The following TNMD variants were observed in gnomAD, a reference collection of about 807,000 sequenced individuals.
TNMD encodes the protein tenomodulin, also known as BRICHOS domain containing 4.
TNMD carries 15 observed loss-of-function variants against 26.9 expected under a neutral mutation model. The ratio of observed to expected loss-of-function variants is 0.56; its 90% confidence interval spans 0.37 to 0.86. TNMD has a LOEUF of 0.86. Ranked by LOEUF, TNMD falls within the 40% of genes least tolerant of loss-of-function variation. The pLI, the probability that TNMD is intolerant of heterozygous loss-of-function variation, is 0.00. For missense variants in TNMD, 222 were observed against 242.6 expected (o/e 0.92, Z 0.56); for synonymous variants, 73 against 77.0 (o/e 0.95, Z 0.27).
At position 100,594,937 on chromosome X, in the gene TNMD, A is replaced by C. The variant is rs188101793; in HGVS notation, c.423+575A>C. 5.4e-5 allele frequency among the ~76,000 whole-genome samples: 6 copies of C among 111,944 alleles called. No individual in the cohort carries two copies. The East Asian group carries it at 1.7e-3, about 32-fold the overall frequency. ...AAGGTGAACACTGCAATGGGATACAAATTCTCTGAAAACACCCTGCTAGAC... is the reference window on the plus strand; with the variant it reads ...AAGGTGAACACTGCAATGGGATACACATTCTCTGAAAACACCCTGCTAGAC... On this transcript the variant is annotated intron_variant, in intron 4 of 6. Transcript: ENST00000373031.
At chrX:100,586,431 G>C (rs182413221) in intron 2 of TNMD, among the ~76,000 whole-genome samples, 1 of 111,554 alleles carries the variant, frequency 9.0e-6, no homozygotes, top group East Asian at 2.8e-4. Context: ...TAGGAGCAGA[G>C]AGAAAAAAAT....
rs1299171128 is a variant in TNMD at position 100,593,944 on chromosome X, T to G, written c.230T>G (p.Ile77Ser). 8.3e-7 allele frequency: 1 copy of G among 1,207,662 alleles called. No homozygotes were observed. The highest frequency in any genetic ancestry group is 1.8e-5 in the African/African-American group (1 of 56,714). ...TFYSNGEKKK[I>S]YMEIDPVTRT... is the part of the protein sequence containing the mutation. ...TACAGCAATGGAGAGAAGAAGAAGA[T>G]TTACATGGAAATTGATCCTGTGACC... The change falls in exon 3 of 7, where the codon ATT becomes AGT. Residue 77 changes from isoleucine to serine, a missense_variant. Physicochemically the swap from Ile to Ser is moderately radical, Grantham distance 142. Transcript: ENST00000373031.
Position 100,599,622 on chromosome X carries a change from T to C in TNMD, c.859T>C (p.Tyr287His), listed in dbSNP as rs769038390. The change falls in exon 7 of 7, where the codon TAC becomes CAC. Residue 287 changes from tyrosine (Y) to histidine (H), a missense_variant. By Grantham distance (83) the Tyr-to-His change is moderately conservative. Transcript: ENST00000373031. ...RRVCEPLLGY[Y>H]PYPYCYQGGR... ...CGTCTGTGAACCTTTACTAGGCTAC[T>C]ACCCATATCCATACTGCTACCAAGG... The C allele has an allele frequency of 6.6e-6, 8 of 1,209,902 alleles. No homozygotes were observed. The East Asian group carries it at 2.4e-4, about 36-fold the overall frequency.
At chrX:100,594,507 T>A (rs1033681846) in intron 4 of TNMD, 145 bp downstream of exon 4, 3 of 378,700 alleles carry the variant, frequency 7.9e-6, no homozygotes, top group African/African-American at 2.6e-5. Flanking sequence ...CATTTTCAGA[T>A]CAGGAAACTA....
At chrX:100,595,267 TTTCTTC>T (rs201605708) in intron 4 of TNMD, among the ~76,000 whole-genome samples, 1 of 109,698 alleles carries the variant, frequency 9.1e-6, no homozygotes, top group African/African-American at 3.3e-5. Flanking sequence ...CAGAATGATC[TTTCTTC>T]TTCTTCTTCT....
chrX:100,596,039 G>T (rs1182356383), intron 4 of TNMD, among the ~76,000 whole-genome samples: 1 of 112,638 alleles, frequency 8.9e-6, no homozygotes. Flanking sequence ...TTAAGGCAAA[G>T]GAGGCGGGGC....
intron 2 of TNMD, among the ~76,000 whole-genome samples, chrX:100,587,660 T>C: frequency 8.9e-6 from 1 of 112,016 alleles, no homozygotes; most frequent in Middle Eastern, 4.6e-3. Flanking sequence ...GATGCTTTAC[T>C]TAGTCCACTA....
chrX:100,599,655 G>T lies in TNMD; in HGVS notation c.892G>T (p.Val298Phe). Residue 298 changes from valine to phenylalanine, a missense_variant, in exon 7 of 7, where the codon GTC (valine) becomes TTC (phenylalanine). Val to Phe is a conservative substitution (Grantham distance 50). Coordinates refer to ENST00000373031, the MANE Select transcript of TNMD (RefSeq NM_022144.3). ...TCCATACTGCTACCAAGGAGGACGA[G>T]TCATCTGTCGTGTCATCATGCCTTG... ...PYPYCYQGGR[V>F]ICRVIMPCNW... The T allele has an allele frequency of 8.3e-7, 1 of 1,211,841 alleles. No individual in the cohort carries two copies. The highest frequency in any genetic ancestry group is 1.1e-6 in the Non-Finnish European group (1 of 895,589).
intron 2 of TNMD, 56 bp downstream of exon 2, chrX:100,585,418 AT>A: frequency 9.7e-7 from 1 of 1,029,561 alleles, no homozygotes; most frequent in Non-Finnish European, 1.3e-6. Context: ...ATTGAATTTA[AT>A]TAGTAGGCAT....
intron 4 of TNMD, among the ~76,000 whole-genome samples, chrX:100,594,633 A>C (rs73630700): frequency 0.014 from 1,529 of 111,502 alleles, 29 homozygotes; most frequent in African/African-American, 0.047. Context: ...GTGCAATGCT[A>C]TACTCTTATA....
chrX:100,594,631 C>T (rs2082947809), intron 4 of TNMD, among the ~76,000 whole-genome samples: 1 of 111,469 alleles, frequency 9.0e-6, no homozygotes, highest in East Asian at 2.8e-4. Flanking sequence ...AGGTGCAATG[C>T]TATACTCTTA....
In TNMD at chrX:100,593,875, GT is replaced by G; in HGVS notation, c.181-16del. 8.3e-7 allele frequency: 1 copy of G among 1,206,109 alleles called. No homozygotes were observed. The highest frequency in any genetic ancestry group is 1.1e-6 in the Non-Finnish European group (1 of 892,985). On this transcript the variant is annotated intron_variant, in intron 2 of 6. Transcript: ENST00000373031. ...GGACACACTGAGTATCTTAGAGATT[GT>G]TTTCCTCTGTTCTCCCAGGCCTATG...
chrX:100,599,325 T>C, intron 6 of TNMD, 143 bp downstream of exon 6: 1 of 661,971 alleles, frequency 1.5e-6, no homozygotes, highest in Non-Finnish European at 2.2e-6. Flanking sequence ...ACTTGGAATC[T>C]CCAGGAGGCT....
chrX:100,588,305 G>GAC lies in TNMD; in HGVS notation c.180+2963_180+2964dup, dbSNP rs772320493. Among the ~76,000 whole-genome samples, 1,025 of 106,630 alleles carry GAC rather than the reference G, an allele frequency of 9.6e-3. 11 individuals carry two copies. The highest frequency in any genetic ancestry group is 0.03 in the African/African-American group (878 of 29,415). 92.6% of individuals were successfully genotyped at this position (106,630 alleles called of 115,157 possible). On this transcript the variant is annotated intron_variant, in intron 2 of 6. Transcript: ENST00000373031. ...ACACGCACAGACTCACACACACACA[G>GAC]ACACACACACACACACACACAGACC...
At chrX:100,593,502 C>CA (rs2082943943) in intron 2 of TNMD, 1 of 378,545 alleles carries the variant, frequency 2.6e-6, no homozygotes, top group Non-Finnish European at 3.3e-6. Context: ...AATAAGGAGA[C>CA]AAAAAACACT....
chrX:100,587,974 T>G (rs773996654), intron 2 of TNMD, among the ~76,000 whole-genome samples: 2 of 111,861 alleles, frequency 1.8e-5, no homozygotes, highest in East Asian at 5.6e-4. Flanking sequence ...GAGCTGTGCA[T>G]GCAACTGTGC....
intron 6 of TNMD, 29 bp from the exon 7 acceptor site, chrX:100,599,478 AC>A (rs1156652632): frequency 1.7e-6 from 2 of 1,160,292 alleles, no homozygotes; most frequent in Non-Finnish European, 2.3e-6. Context: ...TTCCTCTCCC[AC>A]CCCCAACACT....
chrX:100,594,460 C>G (rs1353462784), intron 4 of TNMD, 98 bp downstream of exon 4: 1 of 469,825 alleles, frequency 2.1e-6, no homozygotes, highest in East Asian at 3.9e-5. Flanking sequence ...TTCTTTGATT[C>G]TCCAACAACC....
chrX:100,598,097 A>G (rs1475749601), intron 5 of TNMD, among the ~76,000 whole-genome samples: 1 of 112,088 alleles, frequency 8.9e-6, no homozygotes, highest in Admixed American at 9.5e-5. Context: ...AATCACTGCA[A>G]TACAAATTTC....
Sources: gnomAD v4.1 joint callset for allele counts (sites outside exome capture counted in the v4.1 genomes callset) on GRCh38, gnomAD v4.1.1 for gene constraint, MANE v1.5 for transcripts, NCBI Gene and HGNC (gene_info 2026-07-23, HGNC 2026-07-21) for gene names.